HECTD4: variants seen among roughly 807,000 people sequenced by gnomAD.
HECTD4 encodes the protein probable E3 ubiquitin-protein ligase HECTD4.
In HECTD4, 114 loss-of-function variants were observed where a neutral mutation model predicts 471.5. That is an observed-to-expected ratio of 0.24 (90% confidence interval 0.21 to 0.28). HECTD4 has a LOEUF of 0.28. Ranked by LOEUF, HECTD4 falls within the 10% of genes least tolerant of loss-of-function variation. The pLI is 1.00. For synonymous variants in HECTD4, 2,012 were observed against 2,256.0 expected (o/e 0.89, Z 3.07); for missense variants, 3,866 against 5,651.5 (o/e 0.68, Z 10.13).
intron 1 of HECTD4, among the ~76,000 whole-genome samples, chr12:112,357,010 G>A (rs1295198406): frequency 6.6e-6 from 1 of 152,126 alleles, no homozygotes; most frequent in African/African-American, 2.4e-5. Flanking sequence ...GCATTGTTCT[G>A]TACGGAACAT....
chr12:112,204,555 G>T lies in HECTD4; in HGVS notation c.8200C>A (p.Leu2734Ile). The T allele has an allele frequency of 6.2e-7, 1 of 1,612,994 alleles. No homozygotes were observed. The highest frequency in any genetic ancestry group is 1.1e-5 in the South Asian group (1 of 91,048). ...ATGTCTTCAATGGTGGGAAGATAAA[G>T]GTCTCTTGGGATGCCACCATTCTCT... ...YEENGGIPRD[L>I]YLPTIEDIKD... is the part of the protein sequence containing the mutation. Residue 2734 changes from leucine (L) to isoleucine (I), a missense_variant, in exon 53 of 76, where the codon CTT (leucine) becomes ATT (isoleucine). Leu to Ile is a conservative substitution (Grantham distance 5). Coordinates refer to ENST00000682272, the MANE Select transcript of HECTD4 (RefSeq NM_001388303.1).
intron 1 of HECTD4, among the ~76,000 whole-genome samples, chr12:112,373,581 G>GT (rs375082486): frequency 1.3e-5 from 2 of 152,162 alleles, no homozygotes; most frequent in Admixed American, 6.6e-5. Flanking sequence ...CCAACCTCAT[G>GT]TTTTTTGTGA....
rs2032792855 is a variant in HECTD4, at chr12:112,212,541, T to C, written c.7575A>G (p.Pro2525=). The change falls in exon 49 of 76, where the codon CCA becomes CCG. Residue 2525 remains proline, a synonymous_variant. Coordinates refer to ENST00000682272, the MANE Select transcript of HECTD4 (RefSeq NM_001388303.1). The part of the protein sequence containing the change: ...YFTYCGQRLS[P]YLEDVSGGMW... ...TGCCACCAGAGACGTCTTCAAGATA[T>C]GGTGAGAGGCGCTGCCCGCAGTATG... is the stretch of plus-strand genomic sequence containing the variant. The C allele has an allele frequency of 1.2e-6, 2 of 1,613,876 alleles. No homozygotes were observed. Among genetic ancestry groups the C allele is most frequent in the African/African-American group, 1.3e-5 (1 of 75,042 alleles).
intron 1 of HECTD4, among the ~76,000 whole-genome samples, chr12:112,339,731 C>T (rs1007108351): frequency 1.3e-5 from 2 of 152,162 alleles, no homozygotes; most frequent in African/African-American, 2.4e-5. Context: ...GATAAACCTA[C>T]CATAAGTGGA....
At chr12:112,225,028 T>C (rs2033196260) in intron 44 of HECTD4, among the ~76,000 whole-genome samples, 2 of 152,144 alleles carry the variant, frequency 1.3e-5, no homozygotes, top group South Asian at 4.1e-4. Context: ...ATTTCACCCT[T>C]GACGCCTAGC....
chr12:112,211,393 A>G (rs2032755471), intron 49 of HECTD4, among the ~76,000 whole-genome samples: 1 of 152,158 alleles, frequency 6.6e-6, no homozygotes, highest in African/African-American at 2.4e-5. Context: ...GTAAGTCATT[A>G]TAAAGACTTG....
chr12:112,201,000 A>AAAC (rs1223815637), intron 54 of HECTD4: 6 of 598,552 alleles, frequency 1.0e-5, no homozygotes, highest in Non-Finnish European at 1.8e-5. Context: ...TACATTTTTG[A>AAAC]AACACATATT....
chr12:112,217,048 G>A lies in HECTD4; in HGVS notation c.7222C>T (p.Pro2408Ser), dbSNP rs779460448. 25 of 1,582,732 alleles carry A rather than the reference G, an allele frequency of 1.6e-5. No homozygotes were observed. Among genetic ancestry groups the A allele is most frequent in the Middle Eastern group, 1.7e-4 (1 of 5,902 alleles). The change falls in exon 46 of 76, where the codon CCA (proline) becomes TCA (serine). Residue 2408 changes from proline (P) to serine (S), a missense_variant. Transcript: ENST00000682272. ...TGATGTCTCACCTGAACTGGCAGTGGTGAAGTGGCATAGATAAAAGTGCCC... is the reference window on the plus strand; with the variant it reads ...TGATGTCTCACCTGAACTGGCAGTGATGAAGTGGCATAGATAAAAGTGCCC... ...PRGTFIYATSPLPVQAPSFYW... is the reference protein window; with the variant it reads ...PRGTFIYATSSLPVQAPSFYW...
chr12:112,248,744 C>T (rs908126263), intron 25 of HECTD4, among the ~76,000 whole-genome samples: 1 of 152,012 alleles, frequency 6.6e-6, no homozygotes, highest in Non-Finnish European at 1.5e-5. Context: ...CCATGCTCAG[C>T]TAATTTAAGA....
intron 1 of HECTD4, among the ~76,000 whole-genome samples, chr12:112,339,059 C>T (rs73209610): frequency 0.017 from 2,562 of 152,202 alleles, 27 homozygotes; most frequent in Non-Finnish European, 0.027. Flanking sequence ...GACTAGCCTA[C>T]AATCCATCAA....
At chr12:112,231,738 G>C in intron 38 of HECTD4, 23 bp from the exon 39 acceptor site, 1 of 1,590,180 alleles carries the variant, frequency 6.3e-7, no homozygotes, top group African/African-American at 1.3e-5. Context: ...TGAAGACGCT[G>C]AGAAGATTCA....
At position 112,251,145 on chromosome 12, in the gene HECTD4, G is replaced by C; in HGVS notation, c.3553-11C>G. 6.2e-7 allele frequency: 1 copy of C among 1,612,464 alleles called. No individual in the cohort carries two copies. The highest frequency in any genetic ancestry group is 2.2e-5 in the East Asian group (1 of 44,872). On this transcript the variant is annotated splice_polypyrimidine_tract_variant and intron_variant, in intron 23 of 75. Coordinates refer to ENST00000682272, the MANE Select transcript of HECTD4 (RefSeq NM_001388303.1). ...ATCCTCCGAAGACTCCTACAATGCA[G>C]ACAGGGGTAAACCACACTGGTCAGT...
intron 60 of HECTD4, among the ~76,000 whole-genome samples, chr12:112,187,703 T>G (rs1253590589): frequency 6.9e-6 from 1 of 145,444 alleles, no homozygotes; most frequent in East Asian, 2.1e-4. Flanking sequence ...CTCGGCTCAC[T>G]GTAAGCTCCG....
intron 48 of HECTD4, among the ~76,000 whole-genome samples, chr12:112,215,492 C>T (rs1369147783): frequency 2.6e-5 from 4 of 152,150 alleles, no homozygotes; most frequent in Non-Finnish European, 5.9e-5. Flanking sequence ...AACTACTATA[C>T]AGATCTAGTT....
chr12:112,368,304 C>A (rs2036604760), intron 1 of HECTD4, among the ~76,000 whole-genome samples: 1 of 152,136 alleles, frequency 6.6e-6, no homozygotes, highest in African/African-American at 2.4e-5. Flanking sequence ...AAATATTCAA[C>A]ATTATTGGGA....
At chr12:112,274,118 T>G (rs1011683688) in intron 10 of HECTD4, among the ~76,000 whole-genome samples, 1 of 152,192 alleles carries the variant, frequency 6.6e-6, no homozygotes, top group African/African-American at 2.4e-5. Context: ...TAGGACCAAT[T>G]AACATTAATG....
rs769262204 is a variant in HECTD4, at chr12:112,273,740, G to A, written c.1857C>T (p.Ile619=). 2.2e-5 allele frequency: 36 copies of A among 1,613,768 alleles called. No homozygotes were observed. In the African/African-American group the frequency reaches 4.3e-4, roughly 19 times the overall value. The change falls in exon 11 of 76, where the codon ATC becomes ATT. Residue 619 remains isoleucine, a synonymous_variant. Transcript: ENST00000682272. ...NMLWTCSNDY[I]DQWCNPGNQA... The stretch of plus-strand genomic sequence containing the variant: ...GATTCCCAGGGTTACACCACTGATC[G>A]ATATAGTCATTTGAGCATGTCCATA...
rs950616754 is a variant in HECTD4, at chr12:112,188,821, G to A, written c.9472+1965C>T. Among the ~76,000 whole-genome samples, 1 of 152,230 alleles carries A rather than the reference G, an allele frequency of 6.6e-6. No individual in the cohort carries two copies. The highest frequency in any genetic ancestry group is 2.4e-5 in the African/African-American group (1 of 41,462). On this transcript the variant is annotated intron_variant, in intron 60 of 75. Coordinates refer to ENST00000682272, the MANE Select transcript of HECTD4 (RefSeq NM_001388303.1). This position sits in a 1 kb window ranked among gnomAD's most constrained non-coding sequence, Gnocchi z 4.2. ...CTCATAGAACCTCCACAGAGGACAGGTGTCCTTGCTCCCCTCTCTGCTGGG... is the reference window on the plus strand; with the variant it reads ...CTCATAGAACCTCCACAGAGGACAGATGTCCTTGCTCCCCTCTCTGCTGGG...
rs751799146 is a variant in HECTD4 at position 112,283,201 on chromosome 12, A to T, written c.1437T>A (p.Ser479Arg). ...GGGAGGCTCTATACCGAGAAAGTCT[A>T]CTTAGAAGCATCTCATTAATGCTTT... ...SAKSINEMLL[S>R]RLSRYRASPS... The change falls in exon 8 of 76, where the codon AGT becomes AGA. Residue 479 changes from serine to arginine, a missense_variant. Around this residue, in one of 16 missense-constraint regions of HECTD4, gnomAD observed 440 missense variants for 636.0 expected, o/e 0.69. Transcript: ENST00000682272. The T allele has an allele frequency of 6.2e-7, 1 of 1,613,860 alleles. No individual in the cohort carries two copies. The highest frequency in any genetic ancestry group is 1.1e-5 in the South Asian group (1 of 91,034).
Sources: gnomAD v4.1 joint callset for allele counts (sites outside exome capture counted in the v4.1 genomes callset) on GRCh38, gnomAD v4.1.1 for gene constraint, gnomAD v4.1.1 regional missense constraint, Gnocchi (gnomAD v3.1) non-coding constraint, MANE v1.5 for transcripts, NCBI Gene and HGNC (gene_info 2026-07-23, HGNC 2026-07-21) for gene names.